AIFM1: variants seen among roughly 807,000 people sequenced by gnomAD.
AIFM1 encodes apoptosis inducing factor mitochondria associated 1.
AIFM1 carries 3 observed loss-of-function variants against 51.7 expected under a neutral mutation model. That is an observed-to-expected ratio of 0.06 (90% CI 0.03 to 0.15). The LOEUF (loss-of-function observed/expected upper bound fraction) is 0.15, where lower values mean the gene tolerates loss of function less well. AIFM1 is among the 10% of genes least tolerant of loss of function. The pLI is 1.00. For synonymous variants in AIFM1, 178 were observed against 179.4 expected (o/e 0.99, Z 0.06); for missense variants, 330 against 476.8 (o/e 0.69, Z 2.87).
chrX:130,132,178 G>A lies in AIFM1; in HGVS notation c.1449-379C>T, dbSNP rs754411184. Among the ~76,000 whole-genome samples, 6 of 111,750 alleles carry A rather than the reference G, an allele frequency of 5.4e-5. No individual in the cohort carries two copies. In the South Asian group the frequency reaches 2.2e-3, roughly 42 times the overall value. On this transcript the variant is annotated intron_variant, in intron 13 of 15. Transcript: ENST00000287295. ...TGAGCCACCGCACCCGACCAACACC[G>A]CACTCTTATGCCAACCAAAGAACTT...
intron 13 of AIFM1, 41 bp from the exon 14 acceptor site, chrX:130,131,840 G>A (rs1413685553): frequency 8.3e-7 from 1 of 1,201,292 alleles, no homozygotes. Context: ...GGGACTGTAA[G>A]GAATGACACG....
chrX:130,137,312 C>T lies in AIFM1; in HGVS notation c.968-127G>A, dbSNP rs1336837282. On this transcript the variant is annotated intron_variant, in intron 9 of 15. Transcript: ENST00000287295. ...GGGCAGAGCTGCAATCCAGGCCGAG[C>T]GCCCACTTACAGGACAGTGGGCATG... 27 of 1,180,161 alleles carry T rather than the reference C, an allele frequency of 2.3e-5. No homozygotes were observed. The South Asian group carries it at 2.8e-4, about 12-fold the overall frequency.
chrX:130,164,223 A>G (rs2031456578), intron 1 of AIFM1, among the ~76,000 whole-genome samples: 1 of 111,249 alleles, frequency 9.0e-6, no homozygotes, highest in African/African-American at 3.3e-5. Context: ...ACAAGCACAG[A>G]GCACCATCAT....
At chrX:130,149,385 C>T (rs1306783722) in intron 3 of AIFM1, 84 bp downstream of exon 3, 4 of 772,439 alleles carry the variant, frequency 5.2e-6, no homozygotes, top group Non-Finnish European at 4.0e-6. Flanking sequence ...TTCTACAAGA[C>T]ATCCATAAAT....
At chrX:130,154,031 G>A (rs1487512585) in intron 2 of AIFM1, among the ~76,000 whole-genome samples, 2 of 112,380 alleles carry the variant, frequency 1.8e-5, no homozygotes, top group South Asian at 3.6e-4. Context: ...AGCCACCTCA[G>A]ATCAAGTTTT....
intron 15 of AIFM1, 140 bp downstream of exon 15, chrX:130,129,830 C>T: frequency 4.7e-6 from 4 of 857,304 alleles, no homozygotes; most frequent in Non-Finnish European, 6.9e-6. Flanking sequence ...TGTTCCTGAG[C>T]CAAGGCTATA....
At chrX:130,162,737 C>T (rs2031391850) in intron 1 of AIFM1, among the ~76,000 whole-genome samples, 1 of 111,554 alleles carries the variant, frequency 9.0e-6, no homozygotes, top group Non-Finnish European at 1.9e-5. Flanking sequence ...GAAAAACGTT[C>T]AAACATTTGA....
intron 12 of AIFM1, 97 bp downstream of exon 12, chrX:130,135,948 T>C: frequency 9.2e-7 from 1 of 1,091,728 alleles, no homozygotes; most frequent in South Asian, 1.9e-5. Context: ...TGACCCTATT[T>C]GGTTAGGCTG....
At chrX:130,155,503 CA>C (rs1486069197) in intron 2 of AIFM1, among the ~76,000 whole-genome samples, 1 of 112,479 alleles carries the variant, frequency 8.9e-6, no homozygotes, top group Admixed American at 9.4e-5. Flanking sequence ...ATTTGACTCA[CA>C]ATAGGCAAGA....
intron 6 of AIFM1, among the ~76,000 whole-genome samples, chrX:130,144,374 C>T (rs1056436953): frequency 4.5e-5 from 5 of 111,890 alleles, no homozygotes; most frequent in Admixed American, 1.9e-4. Context: ...AGCTCTTTCA[C>T]GCAAAGCCCT....
chrX:130,161,609 CTTT>C (rs1224200767), intron 1 of AIFM1, among the ~76,000 whole-genome samples: 1 of 96,537 alleles, frequency 1.0e-5, no homozygotes, highest in Non-Finnish European at 2.1e-5. Flanking sequence ...ATTTATCAGC[CTTT>C]TTTTTTTTTT....
chrX:130,133,058 A>G (rs994552450), intron 13 of AIFM1, among the ~76,000 whole-genome samples: 2 of 111,571 alleles, frequency 1.8e-5, no homozygotes, highest in African/African-American at 3.3e-5. Context: ...CTAGTCTAAC[A>G]TACGCCAGAC....
chrX:130,156,365 G>C, intron 2 of AIFM1, 96 bp downstream of exon 2: 1 of 1,123,122 alleles, frequency 8.9e-7, no homozygotes, highest in Non-Finnish European at 1.2e-6. Context: ...AAGGAGAAAG[G>C]GGAATTAGTT....
At position 130,149,562 on chromosome X, in the gene AIFM1, T is replaced by C; in HGVS notation, c.256A>G (p.Lys86Glu). ...STVGAGAYAY[K>E]TMKEDEKRYN... ...CTTTTTTCATCCTCTTTCATAGTCT[T>C]GTAGGCCTGCGGATCCAAACATGGA... is the stretch of plus-strand genomic sequence containing the variant. Residue 86 changes from lysine to glutamate, a missense_variant, in exon 3 of 16, where the codon AAG (lysine) becomes GAG (glutamate). Coordinates refer to ENST00000287295, the MANE Select transcript of AIFM1 (RefSeq NM_004208.4). 8.4e-7 allele frequency: 1 copy of C among 1,195,851 alleles called. No homozygotes were observed. The highest frequency in any genetic ancestry group is 1.1e-6 in the Non-Finnish European group (1 of 881,125).
intron 1 of AIFM1, among the ~76,000 whole-genome samples, chrX:130,164,169 A>T (rs1462542762): frequency 7.0e-3 from 247 of 35,044 alleles, no homozygotes; most frequent in African/African-American, 0.069. Context: ...CTCCGTCTCA[A>T]AAAAAAAAAA....
rs758866429 is a variant in AIFM1, at chrX:130,155,398, A to C, written c.249+1063T>G. ...AAGCAGTTTTGGTTACCCTGTGCTA[A>C]AAAAGGAAAAAGAAAAAAATGCTGC... On this transcript the variant is annotated intron_variant, in intron 2 of 15. Transcript: ENST00000287295. The C allele has an allele frequency of 4.5e-6, 4 of 893,928 alleles. No individual in the cohort carries two copies. The African/African-American group carries it at 8.0e-5, about 18-fold the overall frequency. The allele number at this position is 893,928 out of a possible 1,213,427, so 73.7% of individuals were successfully genotyped here.
chrX:130,164,944 T>C (rs1485625244), intron 1 of AIFM1, among the ~76,000 whole-genome samples: 1 of 110,080 alleles, frequency 9.1e-6, no homozygotes, highest in Non-Finnish European at 1.9e-5. Context: ...ATACAATGCG[T>C]TCTGCAAACT....
chrX:130,138,769 A>G, intron 8 of AIFM1, 68 bp from the exon 9 acceptor site: 4 of 760,288 alleles, frequency 5.3e-6, no homozygotes, highest in Non-Finnish European at 8.2e-6. Context: ...ACTAGAAAGT[A>G]GTTTCTTCTA....
intron 6 of AIFM1, among the ~76,000 whole-genome samples, chrX:130,144,724 T>C (rs529583095): frequency 8.9e-6 from 1 of 112,271 alleles, no homozygotes; most frequent in African/African-American, 3.2e-5. Flanking sequence ...TGTGTTATGA[T>C]TATGTATTTA....
Sources: gnomAD v4.1 joint callset for allele counts (sites outside exome capture counted in the v4.1 genomes callset) on GRCh38, gnomAD v4.1.1 for gene constraint, MANE v1.5 for transcripts, NCBI Gene and HGNC (gene_info 2026-07-23, HGNC 2026-07-21) for gene names.